Variants in NOM1 observed in about 807,000 individuals in gnomAD.
NOM1 encodes nucleolar protein with MIF4G domain 1.
Under a neutral mutation model 73.3 loss-of-function variants are expected in NOM1, and 58 were observed. The ratio of observed to expected loss-of-function variants is 0.79; its 90% CI spans 0.64 to 0.99. The LOEUF is 0.99. Among genes scored for constraint, NOM1 ranks in the 50% least tolerant of loss-of-function variants. The probability of loss-of-function intolerance (pLI) is 0.00; values close to 1 mark genes in which losing one functional copy is unlikely to be tolerated. For synonymous variants in NOM1, 487 were observed against 446.8 expected, an observed-to-expected ratio of 1.09 and a Z score of -1.14; for missense variants, 1,226 against 1,131.9, an observed-to-expected ratio of 1.08 and a Z score of -1.19.
At chr7:156,964,150 T>C (rs1804939297) in intron 7 of NOM1, 124 bp downstream of exon 7, 1 of 966,350 alleles carries the variant, frequency 1.0e-6, no homozygotes, top group South Asian at 1.6e-5. Context: ...GCTGTTCTCA[T>C]GACCATCCGC....
Position 156,950,182 on chromosome 7 carries a change from G to A in NOM1, c.445G>A (p.Val149Ile), listed in dbSNP as rs760857495. 2.8e-5 allele frequency: 45 copies of A among 1,606,274 alleles called. 1 individual carries two copies. The Middle Eastern group carries it at 1.0e-3, about 36-fold the overall frequency. ...TCCCAGGAAGCCGCGGCCGTCCCGG[G>A]TCAAGGCCAAGGCCACGGCCGCCAC... ...SPPRKPRPSR[V>I]KAKATAATAK... is the part of the protein sequence containing the mutation. Residue 149 changes from valine to isoleucine, a missense_variant, in exon 1 of 11, where the codon GTC becomes ATC. Coordinates refer to ENST00000275820, the MANE Select transcript of NOM1 (RefSeq NM_138400.2).
At chr7:156,953,479 G>A (rs1804644322) in intron 2 of NOM1, among the ~76,000 whole-genome samples, 1 of 152,140 alleles carries the variant, frequency 6.6e-6, no homozygotes, top group Admixed American at 6.5e-5. Context: ...CTGCAATTGA[G>A]ATAAAACTCA....
In NOM1 at chr7:156,964,044, C is replaced by T. The variant is rs1365093626; in HGVS notation, c.2033+18C>T. ...CTTCTGAAGTAAGCATTTGTGTGCA[C>T]ATTTTGACCTATTAATGAGATGCTG... On this transcript the variant is annotated intron_variant, in intron 7 of 10. Transcript: ENST00000275820. The T allele has an allele frequency of 1.2e-6, 2 of 1,606,006 alleles. No individual in the cohort carries two copies. Among genetic ancestry groups the T allele is most frequent in the East Asian group, 2.2e-5 (1 of 44,782 alleles).
intron 4 of NOM1, among the ~76,000 whole-genome samples, chr7:156,960,559 C>T (rs1427714915): frequency 2.6e-5 from 4 of 152,046 alleles, no homozygotes; most frequent in African/African-American, 7.2e-5. Flanking sequence ...CATTGTGTGC[C>T]GTTCAGATGA....
At chr7:156,967,375 G>T (rs1482543183) in intron 9 of NOM1, among the ~76,000 whole-genome samples, 1 of 152,168 alleles carries the variant, frequency 6.6e-6, no homozygotes, top group Non-Finnish European at 1.5e-5. Context: ...TCCTGAACTG[G>T]TCACTGTTAG....
In NOM1 at chr7:156,954,182, G is replaced by A; in HGVS notation, c.1192G>A (p.Asp398Asn). Residue 398 changes from aspartate to asparagine, a missense_variant, in exon 3 of 11, where the codon GAC becomes AAC. Asp to Asn is a conservative substitution (Grantham distance 23, BLOSUM62 1). Transcript: ENST00000275820. ...YMAHSRKDMN[D>N]TLTSALMGAC... ...GGCCCACAGCAGAAAGGACATGAATGACACCCTGACCTCCGCTCTCATGGG... is the reference window on the plus strand; with the variant it reads ...GGCCCACAGCAGAAAGGACATGAATAACACCCTGACCTCCGCTCTCATGGG... 1.9e-6 allele frequency: 3 copies of A among 1,613,730 alleles called. No individual in the cohort carries two copies. The highest frequency in any genetic ancestry group is 1.7e-6 in the Non-Finnish European group (2 of 1,179,882).
At position 156,970,427 on chromosome 7, in the gene NOM1, G is replaced by A. The variant is rs1805114394; in HGVS notation, c.*724G>A. The A allele has an allele frequency of 6.6e-6, 1 of 152,032 alleles. No homozygotes were observed. Among genetic ancestry groups the A allele is most frequent in the Admixed American group, 6.5e-5 (1 of 15,268 alleles). 9.4% of individuals were successfully genotyped at this position (152,032 alleles called of 1,614,324 possible). A position where few individuals can be genotyped will look rare whatever the true frequency, so the allele number is the denominator to read the frequency against. On this transcript the variant is annotated 3_prime_UTR_variant, in exon 11 of 11. Coordinates refer to ENST00000275820, the MANE Select transcript of NOM1 (RefSeq NM_138400.2). ...CCCTTAAAGGTGATTGTTTTTTTGA[G>A]ACAGAGTCTTGCTCTGTCACCCAGA... is the stretch of plus-strand genomic sequence containing the variant.
At chr7:156,961,095 C>T (rs1804853479) in intron 4 of NOM1, among the ~76,000 whole-genome samples, 1 of 152,084 alleles carries the variant, frequency 6.6e-6, no homozygotes, top group Non-Finnish European at 1.5e-5. Context: ...AGAGGGGGTC[C>T]TGGGAGCCAT....
chr7:156,968,390 T>C (rs1017059434), intron 9 of NOM1, among the ~76,000 whole-genome samples: 1 of 152,170 alleles, frequency 6.6e-6, no homozygotes, highest in African/African-American at 2.4e-5. Flanking sequence ...CATGCTTTTG[T>C]GGTCTCGCCG....
At chr7:156,960,195 C>G in intron 4 of NOM1, 21 bp downstream of exon 4, 1 of 1,590,530 alleles carries the variant, frequency 6.3e-7, no homozygotes, top group South Asian at 1.1e-5. Flanking sequence ...GACGCTTGAT[C>G]TGCTTCCTAA....
At chr7:156,966,482 A>C in intron 8 of NOM1, 80 bp downstream of exon 8, 1 of 1,542,536 alleles carries the variant, frequency 6.5e-7, no homozygotes, top group Non-Finnish European at 8.9e-7. Flanking sequence ...CCACCTGCAA[A>C]GGAGTTCCCC....
At chr7:156,961,801 G>A (rs576154066) in intron 4 of NOM1, among the ~76,000 whole-genome samples, 5 of 152,226 alleles carry the variant, frequency 3.3e-5, no homozygotes, top group African/African-American at 1.2e-4. Flanking sequence ...TCCAGAGCAG[G>A]TCGCGGGGGG....
Position 156,961,448 on chromosome 7 carries a change from C to G in NOM1, c.1633-703C>G, listed in dbSNP as rs560391970. On this transcript the variant is annotated intron_variant, in intron 4 of 10. Coordinates refer to ENST00000275820, the MANE Select transcript of NOM1 (RefSeq NM_138400.2). ...ATGGTGGTTTCAAATGGAGAAGAGA[C>G]AGAAAGTACATTAGTGGGCTGGGGA... 7.2e-4 allele frequency among the ~76,000 whole-genome samples: 110 copies of G among 152,094 alleles called. 4 individuals are homozygous for G. The South Asian group carries it at 0.023, about 32-fold the overall frequency.
rs879844619 is a variant in NOM1 at position 156,950,024 on chromosome 7, G to A, written c.287G>A (p.Arg96His). ...RKEKRHLRKARRLQRTAGPEQ... is the reference protein window; with the variant it reads ...RKEKRHLRKAHRLQRTAGPEQ... ...GAGAAGCGGCACCTGCGGAAAGCAC[G>A]CCGGCTGCAGAGGACGGCGGGCCCC... is the stretch of plus-strand genomic sequence containing the variant. Residue 96 changes from arginine (R) to histidine (H), a missense_variant, in exon 1 of 11, where the codon CGC becomes CAC. By Grantham distance (29) the Arg-to-His change is conservative. Coordinates refer to ENST00000275820, the MANE Select transcript of NOM1 (RefSeq NM_138400.2). The A allele has an allele frequency of 8.7e-5, 134 of 1,541,708 alleles. No homozygotes were observed. Among genetic ancestry groups the A allele is most frequent in the Non-Finnish European group, 1.1e-4 (129 of 1,146,854 alleles).
intron 3 of NOM1, chr7:156,958,862 T>C (rs1804792312): frequency 6.6e-6 from 1 of 152,096 alleles, no homozygotes; most frequent in South Asian, 2.1e-4. Context: ...GCCAAGTGAG[T>C]GTATTCACAA....
At chr7:156,962,939 C>A in intron 5 of NOM1, 69 bp from the exon 6 acceptor site, 3 of 1,504,416 alleles carry the variant, frequency 2.0e-6, no homozygotes, top group Non-Finnish European at 2.7e-6. Context: ...AAACAAAAAG[C>A]CACCGGTGAT....
chr7:156,952,579 G>C lies in NOM1; in HGVS notation c.1093G>C (p.Val365Leu), dbSNP rs1238672207. ...KEELERLKKH[V>L]KGLLNRLSEP... The stretch of plus-strand genomic sequence containing the variant: ...AGAACTAGAAAGGCTGAAGAAACAT[G>C]TAAAAGGTCTACTTAACAGGTGACC... The change falls in exon 2 of 11, where the codon GTA (valine) becomes CTA (leucine). Residue 365 changes from valine (V) to leucine (L), a missense_variant. Coordinates refer to ENST00000275820, the MANE Select transcript of NOM1 (RefSeq NM_138400.2). The C allele has an allele frequency of 6.2e-7, 1 of 1,613,958 alleles. No homozygotes were observed. The highest frequency in any genetic ancestry group is 8.5e-7 in the Non-Finnish European group (1 of 1,179,976).
intron 5 of NOM1, among the ~76,000 whole-genome samples, 199 bp from the exon 6 acceptor site, chr7:156,962,809 G>A (rs564944054): frequency 6.6e-6 from 1 of 152,104 alleles, no homozygotes; most frequent in Non-Finnish European, 1.5e-5. Context: ...TTGGGGTGAT[G>A]GACTCTCAAA....
rs1443935593 is a variant in NOM1, at chr7:156,950,698, T to G, written c.961T>G (p.Ser321Ala). 1.9e-6 allele frequency: 3 copies of G among 1,551,556 alleles called. No homozygotes were observed. The highest frequency in any genetic ancestry group is 2.6e-6 in the Non-Finnish European group (3 of 1,146,994). ...AEDEEKSENS[S>A]EDGDITDKSL... ...AGATGAAGAAAAGAGTGAAAATTCC[T>G]CGGAGGACGGTGACATAACGGATAA... is the stretch of plus-strand genomic sequence containing the variant. The change falls in exon 1 of 11, where the codon TCG (serine) becomes GCG (alanine). Residue 321 changes from serine to alanine, a missense_variant. Coordinates refer to ENST00000275820, the MANE Select transcript of NOM1 (RefSeq NM_138400.2).
Sources: allele counts gnomAD v4.1 joint callset (sites outside exome capture counted in the v4.1 genomes callset), GRCh38; gene constraint gnomAD v4.1.1; transcripts MANE v1.5; gene names NCBI Gene and HGNC (gene_info 2026-07-23, HGNC 2026-07-21).